Variants in PUDP observed in about 807,000 individuals in gnomAD.
PUDP encodes pseudouridine-5'-phosphatase.
A neutral mutation model predicts 9.4 loss-of-function variants in PUDP; 8 were observed. The ratio of observed to expected loss-of-function variants is 0.85; its 90% CI spans 0.50 to 1.53. The LOEUF (loss-of-function observed/expected upper bound fraction) is 1.53, where lower values mean the gene tolerates loss of function less well. Among genes scored for constraint, PUDP ranks in the 40% most tolerant of loss-of-function variants. The pLI, the probability that PUDP is intolerant of heterozygous loss-of-function variation, is 0.00. For missense variants in PUDP, 188 were observed against 189.7 expected (o/e 0.99, Z 0.05); for synonymous variants, 99 against 80.7 (o/e 1.23, Z -1.22).
chrX:6,717,288 G>A (rs768014000), intron 1 of PUDP, among the ~76,000 whole-genome samples: 11 of 111,187 alleles, frequency 9.9e-5, no homozygotes, highest in African/African-American at 3.6e-4. Context: ...TTGCTGGAGC[G>A]ATTGCCCCTT....
rs182236009 is a variant in PUDP at position 6,993,798 on chromosome X, A to G, written c.205-15455T>C. 6.1e-3 allele frequency among the ~76,000 whole-genome samples: 689 copies of G among 112,211 alleles called. 4 individuals carry two copies. Among genetic ancestry groups the G allele is most frequent in the South Asian group, 0.019 (50 of 2,666 alleles). On this transcript the variant is annotated intron_variant and NMD_transcript_variant, in intron 1 of 3. Transcript: ENST00000655425. Reference sequence around the variant, plus strand: ...CATTTTTGTATCAAAGGAGCAGAGCATAACACCATTTCTCTTACTGAGTCA... The same window carrying G: ...CATTTTTGTATCAAAGGAGCAGAGCGTAACACCATTTCTCTTACTGAGTCA...
At chrX:6,894,495 G>A (rs976282790) in intron 3 of PUDP, among the ~76,000 whole-genome samples, 7 of 112,133 alleles carry the variant, frequency 6.2e-5, no homozygotes, top group African/African-American at 1.6e-4. Flanking sequence ...TAGCGGAGAC[G>A]TGCAAAGTTT....
chrX:6,804,828 T>C (rs1052463591), intron 3 of PUDP, among the ~76,000 whole-genome samples: 4 of 111,778 alleles, frequency 3.6e-5, no homozygotes, highest in African/African-American at 1.3e-4. Context: ...TTTGTTTCTG[T>C]CCTCCCAGTT....
At position 7,053,112 on chromosome X, in the gene PUDP, G is replaced by A. The variant is rs372640511; in HGVS notation, c.511-2640C>T. On this transcript the variant is annotated intron_variant, in intron 3 of 3. Coordinates refer to ENST00000381077, the MANE Select transcript of PUDP (RefSeq NM_012080.5). ...TTTCAAAATATCCGTCACCTTCTCC[G>A]GGGATTCTGAAGCTTTGTGCAGGGT... is the stretch of plus-strand genomic sequence containing the variant. Among the ~76,000 whole-genome samples, 17 of 111,865 alleles carry A rather than the reference G, an allele frequency of 1.5e-4. No homozygotes were observed. The South Asian group carries it at 3.0e-3, about 20-fold the overall frequency.
intron 1 of PUDP, among the ~76,000 whole-genome samples, chrX:6,993,110 C>T (rs1322336174): frequency 8.9e-6 from 1 of 111,859 alleles, no homozygotes; most frequent in East Asian, 2.8e-4. Flanking sequence ...GACTGGCTTC[C>T]TTCCTCCTTG....
At chrX:7,048,386 A>G (rs1030175375), downstream of PUDP, among the ~76,000 whole-genome samples, 4 of 112,538 alleles carry the variant, frequency 3.6e-5, no homozygotes, top group Non-Finnish European at 5.6e-5. Context: ...TTGTATTACC[A>G]TATCTCTGTG....
chrX:6,967,405 T>C (rs1181739023), intron 3 of PUDP, among the ~76,000 whole-genome samples: 1 of 111,881 alleles, frequency 8.9e-6, no homozygotes, highest in Non-Finnish European at 1.9e-5. Context: ...CTCGTCCCTG[T>C]GACCCTCTGG....
At chrX:6,819,557 A>C (rs1166565371) in intron 3 of PUDP, among the ~76,000 whole-genome samples, 1 of 112,587 alleles carries the variant, frequency 8.9e-6, no homozygotes, top group African/African-American at 3.2e-5. Flanking sequence ...ATCTCCATAG[A>C]ATGGAGGAGG....
intron 1 of PUDP, among the ~76,000 whole-genome samples, chrX:6,992,863 T>C (rs1340009607): frequency 8.9e-6 from 1 of 111,763 alleles, no homozygotes; most frequent in African/African-American, 3.3e-5. Context: ...CAGCTGCCAA[T>C]GCAGCTAGGA....
At chrX:6,981,493 T>C (rs1929032077) in intron 1 of PUDP, among the ~76,000 whole-genome samples, 1 of 111,638 alleles carries the variant, frequency 9.0e-6, no homozygotes, top group Admixed American at 9.5e-5. Context: ...CCATTGTTAG[T>C]ATAAAAAAAA....
intron 3 of PUDP, among the ~76,000 whole-genome samples, chrX:6,734,874 C>G (rs1469337169): frequency 8.9e-6 from 1 of 111,807 alleles, no homozygotes; most frequent in Admixed American, 9.5e-5. Flanking sequence ...CTTGGATTTA[C>G]GAGAATCAGG....
intron 3 of PUDP, among the ~76,000 whole-genome samples, chrX:6,875,124 A>G (rs922983831): frequency 1.8e-5 from 2 of 112,055 alleles, no homozygotes; most frequent in African/African-American, 6.5e-5. Flanking sequence ...GCTGGAGTGA[A>G]GCAGCATAAT....
At chrX:6,894,958 G>A (rs997402706) in intron 3 of PUDP, among the ~76,000 whole-genome samples, 11 of 111,210 alleles carry the variant, frequency 9.9e-5, no homozygotes, top group African/African-American at 3.6e-4. Context: ...TTGGTCTCCA[G>A]TAGGTTGCTG....
At chrX:6,854,212 GTTTTTCT>G (rs1178804401) in intron 3 of PUDP, among the ~76,000 whole-genome samples, 1 of 111,647 alleles carries the variant, frequency 9.0e-6, no homozygotes, top group Non-Finnish European at 1.9e-5. Context: ...TTCACATGCA[GTTTTTCT>G]TTTTTAACAC....
At chrX:6,750,685 C>G (rs1925059103) in intron 3 of PUDP, among the ~76,000 whole-genome samples, 1 of 111,513 alleles carries the variant, frequency 9.0e-6, no homozygotes, top group Non-Finnish European at 1.9e-5. Flanking sequence ...TTCATTCCAA[C>G]TATAAGATGC....
chrX:6,977,910 C>T (rs1333138149), intron 2 of PUDP, among the ~76,000 whole-genome samples: 1 of 112,439 alleles, frequency 8.9e-6, no homozygotes, highest in Non-Finnish European at 1.9e-5. Context: ...TCAAGAACAT[C>T]ATGAAACCTC....
chrX:7,005,016 C>T (rs756152284), intron 1 of PUDP, among the ~76,000 whole-genome samples: 2 of 111,972 alleles, frequency 1.8e-5, no homozygotes, highest in Non-Finnish European at 3.8e-5. Flanking sequence ...TTATTATGTA[C>T]GTATAAGTCA....
At chrX:6,888,641 C>G (rs1927466354) in intron 3 of PUDP, among the ~76,000 whole-genome samples, 1 of 110,738 alleles carries the variant, frequency 9.0e-6, no homozygotes, top group African/African-American at 3.3e-5. Flanking sequence ...CAGAGTGAGA[C>G]TCCATCTCAA....
chrX:7,000,959 A>C (rs1377564036), intron 1 of PUDP, among the ~76,000 whole-genome samples: 2 of 108,961 alleles, frequency 1.8e-5, no homozygotes, highest in Non-Finnish European at 3.8e-5. Flanking sequence ...ATTCTAGCTC[A>C]ATAAAATAAG....
Sources: allele counts gnomAD v4.1 joint callset (sites outside exome capture counted in the v4.1 genomes callset), GRCh38; gene constraint gnomAD v4.1.1; transcripts MANE v1.5; gene names NCBI Gene and HGNC (gene_info 2026-07-23, HGNC 2026-07-21).